RORA: variants seen among roughly 807,000 people sequenced by gnomAD.
RORA encodes the protein nuclear receptor ROR-alpha.
In RORA, 7 loss-of-function variants were observed where a neutral mutation model predicts 69.5. The observed-to-expected ratio is 0.10, with a 90% confidence interval of 0.06 to 0.19. The LOEUF (loss-of-function observed/expected upper bound fraction) is 0.19. Among genes scored for constraint, RORA ranks in the 10% least tolerant of loss-of-function variants. The pLI is 1.00. For synonymous variants in RORA, 261 were observed against 240.8 expected, an observed-to-expected ratio of 1.08 and a Z score of -0.78; for missense variants, 457 against 663.0, an observed-to-expected ratio of 0.69 and a Z score of 3.41.
At chr15:61,056,469 C>CA (rs1377977600) in intron 1 of RORA, among the ~76,000 whole-genome samples, 1 of 152,144 alleles carries the variant, frequency 6.6e-6, no homozygotes, top group Admixed American at 6.5e-5. Flanking sequence ...CTGAAGAAGT[C>CA]AAAACCCAGG....
At chr15:60,853,134 G>A (rs1325804680) in intron 1 of RORA, among the ~76,000 whole-genome samples, 4 of 152,230 alleles carry the variant, frequency 2.6e-5, no homozygotes, top group East Asian at 3.9e-4. Context: ...AGATCCACAC[G>A]GTACACGCTT....
At chr15:60,913,062 A>G (rs1180073492) in intron 1 of RORA, among the ~76,000 whole-genome samples, 6 of 152,236 alleles carry the variant, frequency 3.9e-5, no homozygotes, top group African/African-American at 1.4e-4. Context: ...TGCCCATTAT[A>G]GCACTATAGG....
chr15:61,144,225 CAG>C (rs2079325651), intron 1 of RORA, among the ~76,000 whole-genome samples: 2 of 152,182 alleles, frequency 1.3e-5, no homozygotes, highest in South Asian at 2.1e-4. Context: ...CAGGACTGTT[CAG>C]AGACGTTAGG....
chr15:60,781,617 C>T (rs531583681), intron 1 of RORA, among the ~76,000 whole-genome samples: 1 of 149,002 alleles, frequency 6.7e-6, no homozygotes, highest in South Asian at 2.2e-4. Context: ...GAGCCGAGTG[C>T]AAGCTCCCTT....
chr15:60,649,261 G>A lies in RORA; in HGVS notation c.196+29396C>T, dbSNP rs1799600. Among the ~76,000 whole-genome samples, 640 of 151,668 alleles carry A rather than the reference G, an allele frequency of 4.2e-3. 3 individuals carry two copies. The highest frequency in any genetic ancestry group is 0.014 in the African/African-American group (580 of 41,382). ...TCCAGGAAAAAAAAAAAAAATCCCC[G>A]GCATATAAGATTCTTGCTCCTGACA... On this transcript the variant is annotated intron_variant, in intron 2 of 10. Transcript: ENST00000335670.
intron 1 of RORA, among the ~76,000 whole-genome samples, chr15:61,092,076 G>A (rs2078715998): frequency 6.6e-6 from 1 of 152,196 alleles, no homozygotes; most frequent in African/African-American, 2.4e-5. Context: ...CAGTCCTCTA[G>A]GGAACTTGGG....
intron 2 of RORA, among the ~76,000 whole-genome samples, chr15:60,660,074 T>G (rs1422090793): frequency 1.3e-5 from 2 of 152,244 alleles, no homozygotes; most frequent in African/African-American, 4.8e-5. Flanking sequence ...TCTAAAAATT[T>G]TTTTTTCTTT....
chr15:60,535,155 A>G (rs2066637601), intron 2 of RORA, among the ~76,000 whole-genome samples: 1 of 152,178 alleles, frequency 6.6e-6, no homozygotes, highest in Non-Finnish European at 1.5e-5. Flanking sequence ...TAACTCAGCC[A>G]GCATTTCAAA....
intron 1 of RORA, among the ~76,000 whole-genome samples, chr15:61,017,894 G>A (rs770872384): frequency 6.6e-6 from 1 of 152,148 alleles, no homozygotes; most frequent in Non-Finnish European, 1.5e-5. Context: ...TCTCCATGTT[G>A]ATCCTTCTGA....
intron 2 of RORA, among the ~76,000 whole-genome samples, chr15:60,547,204 G>C (rs1446814457): frequency 6.6e-6 from 1 of 152,082 alleles, no homozygotes; most frequent in Non-Finnish European, 1.5e-5. Context: ...ACCAAAATGA[G>C]GATTGAGCGT....
intron 2 of RORA, among the ~76,000 whole-genome samples, chr15:60,639,585 A>G (rs1188602210): frequency 1.3e-5 from 2 of 152,134 alleles, no homozygotes; most frequent in Non-Finnish European, 2.9e-5. Context: ...AGAGATTTCG[A>G]ACATTGAAAC....
chr15:61,053,288 A>G lies in RORA; in HGVS notation c.166+175765T>C, dbSNP rs114164006. Among the ~76,000 whole-genome samples, 453 of 151,974 alleles carry G rather than the reference A, an allele frequency of 3.0e-3. 1 individual carries two copies. Among genetic ancestry groups the G allele is most frequent in the African/African-American group, 0.01 (433 of 41,426 alleles). ...ATTTTTTTTTTTGAACACAAAAATCAGGCTTTTGCCCCCCAACACCCACCC... is the reference window on the plus strand; with the variant it reads ...ATTTTTTTTTTTGAACACAAAAATCGGGCTTTTGCCCCCCAACACCCACCC... On this transcript the variant is annotated intron_variant, in intron 1 of 10. Coordinates refer to ENST00000335670, the MANE Select transcript of RORA (RefSeq NM_134261.3).
At chr15:60,589,944 C>T (rs1227808591) in intron 2 of RORA, among the ~76,000 whole-genome samples, 1 of 152,146 alleles carries the variant, frequency 6.6e-6, no homozygotes, top group African/African-American at 2.4e-5. Flanking sequence ...ACCAATTTAA[C>T]TATTAAAACT....
chr15:60,926,181 T>C (rs1892213065), intron 1 of RORA, among the ~76,000 whole-genome samples: 1 of 152,224 alleles, frequency 6.6e-6, no homozygotes, highest in South Asian at 2.1e-4. Flanking sequence ...GCATTTCTTA[T>C]AAGCTTGTGC....
intron 1 of RORA, among the ~76,000 whole-genome samples, chr15:61,119,459 A>G: frequency 6.7e-6 from 1 of 150,140 alleles, no homozygotes; most frequent in Non-Finnish European, 1.5e-5. Context: ...TATACACACA[A>G]ATATATATAT....
intron 1 of RORA, among the ~76,000 whole-genome samples, chr15:60,955,442 AG>A (rs1457142737): frequency 3.3e-5 from 5 of 152,234 alleles, no homozygotes; most frequent in Admixed American, 6.5e-5. Flanking sequence ...TTATATAGTA[AG>A]TACTCAATAA....
chr15:61,097,041 T>C (rs898808637), intron 1 of RORA, among the ~76,000 whole-genome samples: 1 of 152,206 alleles, frequency 6.6e-6, no homozygotes, highest in African/African-American at 2.4e-5. Context: ...CTTACTCTAC[T>C]AAGGGTGAAC....
At position 60,967,350 on chromosome 15, in the gene RORA, T is replaced by C. The variant is rs563447119; in HGVS notation, c.166+261703A>G. On this transcript the variant is annotated intron_variant, in intron 1 of 10. Transcript: ENST00000335670. ...ACTTCATTACCCCTACCCCCAAATATTACCAATTAACAGAGAATTTGAATT... is the reference window on the plus strand; with the variant it reads ...ACTTCATTACCCCTACCCCCAAATACTACCAATTAACAGAGAATTTGAATT... Among the ~76,000 whole-genome samples the C allele has an allele frequency of 1.5e-4, 23 of 152,284 alleles. No individual in the cohort carries two copies. In the South Asian group the frequency reaches 4.4e-3, roughly 29 times the overall value.
chr15:61,219,346 G>A (rs978480921), intron 1 of RORA, among the ~76,000 whole-genome samples: 49 of 152,198 alleles, frequency 3.2e-4, no homozygotes, highest in South Asian at 2.1e-4. Context: ...AGGCCAAGGC[G>A]GGAGGATCAC....
Sources: gnomAD v4.1 joint callset for allele counts (sites outside exome capture counted in the v4.1 genomes callset) on GRCh38, gnomAD v4.1.1 for gene constraint, MANE v1.5 for transcripts, NCBI Gene and HGNC (gene_info 2026-07-23, HGNC 2026-07-21) for gene names.